The following EFCAB6 variants were observed in gnomAD, a reference collection of about 807,000 sequenced individuals.
The protein encoded by EFCAB6 is EF-hand calcium-binding domain-containing protein 6.
In EFCAB6, 156 loss-of-function variants were observed where a neutral mutation model predicts 169.8. The observed-to-expected ratio is 0.92, with a 90% CI of 0.81 to 1.05. The LOEUF is 1.05. EFCAB6 is among the 50% of genes least tolerant of loss of function. The pLI, the probability that EFCAB6 is intolerant of heterozygous loss-of-function variation, is 0.00. For synonymous variants in EFCAB6, 698 were observed against 676.4 expected (o/e 1.03, Z -0.50); for missense variants, 1,800 against 1,829.1 (o/e 0.98, Z 0.29).
At chr22:43,712,969 T>C (rs1025855290) in intron 9 of EFCAB6, among the ~76,000 whole-genome samples, 1 of 152,092 alleles carries the variant, frequency 6.6e-6, no homozygotes, top group African/African-American at 2.4e-5. Context: ...CAGCAAAGTA[T>C]AAAAAAGGAA....
At chr22:43,615,976 A>AATT in intron 20 of EFCAB6, 54 bp from the exon 21 acceptor site, 1 of 1,471,796 alleles carries the variant, frequency 6.8e-7, no homozygotes, top group Non-Finnish European at 9.3e-7. Flanking sequence ...GGGCTCATTA[A>AATT]TCTCCCAAGG....
At chr22:43,584,969 C>T (rs1392728517) in intron 24 of EFCAB6, among the ~76,000 whole-genome samples, 1 of 152,200 alleles carries the variant, frequency 6.6e-6, no homozygotes, top group Non-Finnish European at 1.5e-5. Context: ...CTACAGCAAA[C>T]ATTAAACATA....
At chr22:43,809,506 G>C (rs930864915) in intron 1 of EFCAB6, among the ~76,000 whole-genome samples, 1 of 152,236 alleles carries the variant, frequency 6.6e-6, no homozygotes, top group Non-Finnish European at 1.5e-5. Context: ...TTATCAGGCA[G>C]TCCTGGAGTT....
chr22:43,745,091 T>C (rs1417375050), intron 6 of EFCAB6, among the ~76,000 whole-genome samples: 1 of 152,208 alleles, frequency 6.6e-6, no homozygotes, highest in East Asian at 1.9e-4. Flanking sequence ...AACTGCTTCA[T>C]ATTTGTACCC....
chr22:43,593,579 T>A (rs1282944382), intron 23 of EFCAB6, among the ~76,000 whole-genome samples: 1 of 152,198 alleles, frequency 6.6e-6, no homozygotes, highest in African/African-American at 2.4e-5. Flanking sequence ...TTTCACAAAC[T>A]CAATTCTCTG....
intron 26 of EFCAB6, among the ~76,000 whole-genome samples, chr22:43,567,252 A>C (rs2049506494): frequency 6.6e-6 from 1 of 152,122 alleles, no homozygotes; most frequent in African/African-American, 2.4e-5. Context: ...CCGATTCACA[A>C]ATCCTCCAGT....
At chr22:43,707,071 A>G (rs1442863238) in intron 10 of EFCAB6, among the ~76,000 whole-genome samples, 2 of 152,220 alleles carry the variant, frequency 1.3e-5, no homozygotes, top group African/African-American at 4.8e-5. Flanking sequence ...AAGCCCAGAC[A>G]GAGCTGTATG....
chr22:43,762,141 TC>T (rs1360203705), intron 5 of EFCAB6, among the ~76,000 whole-genome samples: 1 of 152,220 alleles, frequency 6.6e-6, no homozygotes, highest in East Asian at 1.9e-4. Flanking sequence ...GGACAGACCC[TC>T]ATGCAAATCA....
At chr22:43,642,192 C>T (rs1489643844) in intron 17 of EFCAB6, among the ~76,000 whole-genome samples, 1 of 152,152 alleles carries the variant, frequency 6.6e-6, no homozygotes, top group Non-Finnish European at 1.5e-5. Context: ...CCACCCGCCT[C>T]GCCCTCCCAA....
chr22:43,590,479 T>C (rs1278079814), intron 23 of EFCAB6, among the ~76,000 whole-genome samples: 2 of 152,240 alleles, frequency 1.3e-5, no homozygotes, highest in South Asian at 2.1e-4. Flanking sequence ...TACAACTTTG[T>C]CTTTGTACTA....
At chr22:43,784,610 TGTGTATATATAC>T (rs2061981384) in intron 2 of EFCAB6, among the ~76,000 whole-genome samples, 1 of 74,542 alleles carries the variant, frequency 1.3e-5, no homozygotes, top group African/African-American at 5.5e-5. Context: ...CACATATATA[TGTGTATATATAC>T]ACATATATAT....
At chr22:43,782,850 C>T (rs752937140) in intron 2 of EFCAB6, among the ~76,000 whole-genome samples, 8 of 152,178 alleles carry the variant, frequency 5.3e-5, no homozygotes, top group Non-Finnish European at 7.3e-5. Context: ...ATCTGGGGAG[C>T]ATTTATTCCC....
At position 43,615,875 on chromosome 22, in the gene EFCAB6, T is replaced by C. The variant is rs1473445623; in HGVS notation, c.2513A>G (p.His838Arg). The change falls in exon 21 of 32, where the codon CAT becomes CGT. Residue 838 changes from histidine to arginine, a missense_variant. Physicochemically the swap from His to Arg is conservative, Grantham distance 29 (BLOSUM62 0). Transcript: ENST00000262726. The stretch of plus-strand genomic sequence containing the variant: ...TTTTGCTTTGGTAACAAGATACTGA[T>C]GAGCCTGCTCACAAGCTAGTTCTGA... ...ADSELACEQAHQYLVTKAKNR... is the reference protein window; with the variant it reads ...ADSELACEQARQYLVTKAKNR... The C allele has an allele frequency of 6.2e-7, 1 of 1,613,898 alleles. No homozygotes were observed. Among genetic ancestry groups the C allele is most frequent in the Admixed American group, 1.7e-5 (1 of 60,030 alleles).
intron 27 of EFCAB6, among the ~76,000 whole-genome samples, chr22:43,550,961 G>A (rs1055003440): frequency 6.6e-6 from 1 of 152,190 alleles, no homozygotes; most frequent in Non-Finnish European, 1.5e-5. Context: ...TTCAAAAGAT[G>A]TGTCACTTCC....
chr22:43,772,181 C>A (rs774581867), intron 4 of EFCAB6, among the ~76,000 whole-genome samples: 10 of 152,220 alleles, frequency 6.6e-5, no homozygotes, highest in Non-Finnish European at 1.5e-4. Flanking sequence ...GCTGGGAGCT[C>A]CTCAAGGGCA....
At chr22:43,736,887 A>C in intron 6 of EFCAB6, among the ~76,000 whole-genome samples, 1 of 150,174 alleles carries the variant, frequency 6.7e-6, no homozygotes, top group African/African-American at 2.5e-5. Flanking sequence ...GCAGCCGCCC[A>C]CCCCCCATCT....
intron 17 of EFCAB6, among the ~76,000 whole-genome samples, chr22:43,666,168 C>T (rs2057237780): frequency 6.6e-6 from 1 of 152,182 alleles, no homozygotes; most frequent in Non-Finnish European, 1.5e-5. Flanking sequence ...ATCTATTCTC[C>T]TGGCTCTCCC....
At chr22:43,562,509 G>A (rs915101955) in intron 26 of EFCAB6, among the ~76,000 whole-genome samples, 1 of 151,768 alleles carries the variant, frequency 6.6e-6, no homozygotes, top group Admixed American at 6.6e-5. Context: ...TCTGGGTTGG[G>A]GGTGGGAGGG....
In EFCAB6 at chr22:43,537,246, G is replaced by C; in HGVS notation, c.4048+131C>G. 1 of 1,184,746 alleles carries C rather than the reference G, an allele frequency of 8.4e-7. No homozygotes were observed. The highest frequency in any genetic ancestry group is 1.2e-6 in the Non-Finnish European group (1 of 836,352). 73.4% of individuals were successfully genotyped at this position (1,184,746 alleles called of 1,614,324 possible). Reference sequence around the variant, plus strand: ...TATAGTAAGCTGCACAGCCCACCCAGAAGTTCCCACCAGTTTCCTGTTCTG... The same window carrying C: ...TATAGTAAGCTGCACAGCCCACCCACAAGTTCCCACCAGTTTCCTGTTCTG... On this transcript the variant is annotated intron_variant, in intron 29 of 31. Transcript: ENST00000262726. This position sits in a 1 kb window ranked among gnomAD's most constrained non-coding sequence, Gnocchi z 4.3.
Sources: gnomAD v4.1 joint callset for allele counts (sites outside exome capture counted in the v4.1 genomes callset) on GRCh38, gnomAD v4.1.1 for gene constraint, Gnocchi (gnomAD v3.1) non-coding constraint, MANE v1.5 for transcripts, NCBI Gene and HGNC (gene_info 2026-07-23, HGNC 2026-07-21) for gene names.